AMZ2: variants seen among roughly 807,000 people sequenced by gnomAD.
AMZ2 encodes archaemetzincin-2.
In AMZ2, 26 loss-of-function variants were observed where a neutral mutation model predicts 36.7. That is an observed-to-expected ratio of 0.71 (90% CI 0.52 to 0.98). The LOEUF is 0.98. Among genes scored for constraint, AMZ2 ranks in the 50% least tolerant of loss-of-function variants. The pLI is 0.00. For missense variants in AMZ2, 394 were observed against 430.5 expected (o/e 0.92, Z 0.75); for synonymous variants, 144 against 149.1 (o/e 0.97, Z 0.25).
chr17:68,235,572 C>G lies in AMZ2; in HGVS notation c.-66-13068C>G, dbSNP rs1489805580. Among the ~76,000 whole-genome samples, 4 of 152,070 alleles carry G rather than the reference C, an allele frequency of 2.6e-5. No homozygotes were observed. The highest frequency in any genetic ancestry group is 5.9e-5 in the Non-Finnish European group (4 of 68,002). On this transcript the variant is annotated intron_variant, in intron 1 of 7. Coordinates refer to the AMZ2 transcript ENST00000674770. The surrounding 1 kb of genome is among the most constrained non-coding windows in gnomAD (Gnocchi z 4.2). Reference sequence around the variant, plus strand: ...AGGTTGGCTTCCCCCTTACGGAGCCCCTATCCGGGACAGCCTCAATCCCTC... The same window carrying G: ...AGGTTGGCTTCCCCCTTACGGAGCCGCTATCCGGGACAGCCTCAATCCCTC...
At chr17:68,209,297 G>A (rs1453762297) in intron 1 of AMZ2, among the ~76,000 whole-genome samples, 1 of 151,230 alleles carries the variant, frequency 6.6e-6, no homozygotes, top group Admixed American at 6.6e-5. Flanking sequence ...GTGCTTAAGC[G>A]ATTCTCCTGC....
intron 5 of AMZ2, among the ~76,000 whole-genome samples, 159 bp from the exon 6 acceptor site, chr17:68,255,541 G>A (rs1227572529): frequency 1.3e-5 from 2 of 152,234 alleles, no homozygotes; most frequent in Non-Finnish European, 2.9e-5. Context: ...TTGGGGAAAT[G>A]AGGGATTATT....
chr17:68,233,508 CA>C (rs35601824), intron 1 of AMZ2, among the ~76,000 whole-genome samples: 12,340 of 78,472 alleles, frequency 0.16, 568 homozygotes, highest in Middle Eastern at 0.2. Flanking sequence ...AACTATGTCT[CA>C]AAAAAAAAAA....
intron 1 of AMZ2, among the ~76,000 whole-genome samples, chr17:68,232,495 C>CA (rs139890887): frequency 0.13 from 13,588 of 106,764 alleles, 821 homozygotes; most frequent in Middle Eastern, 0.17. Context: ...GACCCTATCT[C>CA]AAAAAAAAAA....
Position 68,250,223 on chromosome 17 carries a change from A to G in AMZ2, c.36A>G (p.Lys12=). Residue 12 remains lysine (K), a synonymous_variant, in exon 2 of 7, where the codon AAA becomes AAG. Coordinates refer to ENST00000359904, the MANE Select transcript of AMZ2 (RefSeq NM_016627.5). ...TACGGCACTCCGAACAGACACTAAA[A>G]ACAGCTCTCATCTCAAAGAACCCAG... The part of the protein sequence containing the change: ...QIIRHSEQTL[K]TALISKNPVL... The G allele has an allele frequency of 4.3e-6, 7 of 1,614,174 alleles. No individual in the cohort carries two copies. Among genetic ancestry groups the G allele is most frequent in the Non-Finnish European group, 5.9e-6 (7 of 1,180,036 alleles).
chr17:68,250,819 C>T lies in AMZ2; in HGVS notation c.309C>T (p.Ile103=), dbSNP rs782029483. The change falls in exon 3 of 7, where the codon ATC becomes ATT. Residue 103 remains isoleucine, a synonymous_variant. Transcript: ENST00000359904. ...GCTCTCTAGGAAACACCAGAATTAT[C>T]AGTGAAGAATATATTAAATGGCTCA... is the stretch of plus-strand genomic sequence containing the variant. ...SIGSLGNTRI[I]SEEYIKWLTG... 2.7e-5 allele frequency: 42 copies of T among 1,581,440 alleles called. No homozygotes were observed. Among genetic ancestry groups the T allele is most frequent in the Non-Finnish European group, 3.6e-5 (42 of 1,171,146 alleles).
At chr17:68,249,000 A>T in intron 1 of AMZ2, 1 of 1,035,022 alleles carries the variant, frequency 9.7e-7, no homozygotes, top group Non-Finnish European at 1.2e-6. Flanking sequence ...CTTTTTCCTT[A>T]ATTCAAAAAG....
intron 1 of AMZ2, among the ~76,000 whole-genome samples, chr17:68,216,216 C>T (rs1409456677): frequency 4.6e-5 from 7 of 152,162 alleles, no homozygotes; most frequent in African/African-American, 1.7e-4. Flanking sequence ...TCACTGCAGC[C>T]TCAATCTCCC....
At chr17:68,221,087 T>C (rs2073344317) in intron 1 of AMZ2, among the ~76,000 whole-genome samples, 1 of 151,898 alleles carries the variant, frequency 6.6e-6, no homozygotes, top group Admixed American at 6.6e-5. Flanking sequence ...CCCAGCTGTT[T>C]CTTTTTCTTT....
chr17:68,211,784 G>GTA (rs67789480), intron 1 of AMZ2, among the ~76,000 whole-genome samples: 3,603 of 97,818 alleles, frequency 0.037, 397 homozygotes, highest in African/African-American at 0.057. Context: ...ATGTATATAT[G>GTA]TATATGTATA....
chr17:68,224,860 G>C (rs1285753902), intron 1 of AMZ2, among the ~76,000 whole-genome samples: 21 of 151,230 alleles, frequency 1.4e-4, no homozygotes, highest in African/African-American at 4.6e-4. Context: ...TTGGGTTTTT[G>C]CTTTGGCAGT....
chr17:68,228,422 C>A (rs1421700497), intron 1 of AMZ2, among the ~76,000 whole-genome samples: 5 of 152,154 alleles, frequency 3.3e-5, no homozygotes, highest in Non-Finnish European at 1.5e-5. Context: ...CAGCCCAGGC[C>A]CCTGGGATCC....
intron 1 of AMZ2, among the ~76,000 whole-genome samples, chr17:68,221,468 G>A (rs1415783344): frequency 6.6e-6 from 1 of 152,048 alleles, no homozygotes; most frequent in Non-Finnish European, 1.5e-5. Flanking sequence ...GGTGGCTCAC[G>A]CCTGTAATCC....
upstream of AMZ2, among the ~76,000 whole-genome samples, chr17:68,245,323 G>T (rs1386411966): frequency 1.3e-5 from 2 of 151,538 alleles, no homozygotes; most frequent in African/African-American, 4.9e-5. Context: ...CTGCAGCCTC[G>T]ATCTCCTAGG....
intron 1 of AMZ2, among the ~76,000 whole-genome samples, chr17:68,221,625 G>A (rs1241531586): frequency 1.3e-5 from 2 of 152,226 alleles, no homozygotes; most frequent in Middle Eastern, 3.4e-3. Flanking sequence ...TACTCCGGAG[G>A]CTGAGGTGAA....
At chr17:68,212,109 A>G (rs2144489905) in intron 1 of AMZ2, among the ~76,000 whole-genome samples, 1 of 151,604 alleles carries the variant, frequency 6.6e-6, no homozygotes, top group Non-Finnish European at 1.5e-5. Flanking sequence ...GGTGACCCAC[A>G]CCTGTAATCC....
chr17:68,220,911 T>C (rs1257942894), intron 1 of AMZ2, among the ~76,000 whole-genome samples: 2 of 151,272 alleles, frequency 1.3e-5, no homozygotes, highest in African/African-American at 4.9e-5. Context: ...GCCTCTGGGG[T>C]AGCTGGGATT....
chr17:68,226,431 C>G (rs1487982078), intron 1 of AMZ2, among the ~76,000 whole-genome samples: 48 of 152,330 alleles, frequency 3.2e-4, no homozygotes, highest in Admixed American at 9.1e-4. Context: ...TCTCCTGCCC[C>G]CCAGCCCCTG....
chr17:68,225,482 A>G (rs1222287765), intron 1 of AMZ2, among the ~76,000 whole-genome samples: 1 of 152,152 alleles, frequency 6.6e-6, no homozygotes, highest in Admixed American at 6.5e-5. Context: ...CTATAGGAAA[A>G]CACACAATAG....
Sources: allele counts gnomAD v4.1 joint callset (sites outside exome capture counted in the v4.1 genomes callset), GRCh38; gene constraint gnomAD v4.1.1; non-coding constraint Gnocchi (gnomAD v3.1); transcripts MANE v1.5; gene names NCBI Gene and HGNC (gene_info 2026-07-23, HGNC 2026-07-21).